PLEKHB1: variants seen among roughly 807,000 people sequenced by gnomAD.
PLEKHB1 encodes the protein pleckstrin homology domain-containing family B member 1.
In PLEKHB1, 29 loss-of-function variants were observed where a neutral mutation model predicts 36.2. The ratio of observed to expected loss-of-function variants is 0.80; its 90% CI spans 0.60 to 1.09. PLEKHB1 has a LOEUF of 1.09. Ranked by LOEUF, PLEKHB1 falls within the 50% of genes least tolerant of loss-of-function variation. The pLI is 0.00. For missense variants in PLEKHB1, 330 were observed against 348.2 expected, an observed-to-expected ratio of 0.95 and a Z score of 0.42; for synonymous variants, 138 against 140.0, an observed-to-expected ratio of 0.99 and a Z score of 0.10.
rs1301241893 is a variant in PLEKHB1, at chr11:73,653,031, C to T, written c.390+17C>T. On this transcript the variant is annotated intron_variant, in intron 5 of 7. Coordinates refer to ENST00000354190, the MANE Select transcript of PLEKHB1 (RefSeq NM_021200.3). Reference sequence around the variant, plus strand: ...TCCACCCCGGTGAGTCTCCCGTTCTCTCCCCCTTTCCCCACCACCTCCATG... The same window carrying T: ...TCCACCCCGGTGAGTCTCCCGTTCTTTCCCCCTTTCCCCACCACCTCCATG... The T allele has an allele frequency of 6.2e-7, 1 of 1,604,596 alleles. No individual in the cohort carries two copies. The highest frequency in any genetic ancestry group is 8.5e-7 in the Non-Finnish European group (1 of 1,173,566).
chr11:73,652,064 A>G, intron 4 of PLEKHB1, 174 bp downstream of exon 4: 3 of 614,790 alleles, frequency 4.9e-6, no homozygotes, highest in South Asian at 3.8e-5. Flanking sequence ...GGTGACTGGC[A>G]TGGCACACAG....
At chr11:73,656,924 G>A (rs1399475789) in intron 6 of PLEKHB1, among the ~76,000 whole-genome samples, 2 of 152,108 alleles carry the variant, frequency 1.3e-5, no homozygotes, top group Non-Finnish European at 2.9e-5. Flanking sequence ...AGGCTGAGGC[G>A]GGCAGGTTGC....
intron 3 of PLEKHB1, 146 bp downstream of exon 3, chr11:73,650,851 C>A: frequency 9.7e-7 from 1 of 1,030,930 alleles, no homozygotes; most frequent in Non-Finnish European, 1.4e-6. Context: ...AACTCCAATT[C>A]AGTTTGGTGT....
At position 73,661,653 on chromosome 11, in the gene PLEKHB1, T is replaced by G; in HGVS notation, c.*51T>G. On this transcript the variant is annotated 3_prime_UTR_variant, in exon 8 of 8. Coordinates refer to ENST00000354190, the MANE Select transcript of PLEKHB1 (RefSeq NM_021200.3). This position sits in a 1 kb window ranked among gnomAD's most constrained non-coding sequence, Gnocchi z 4.6. ...CTGCGCTTGGATTGCTAGACTCCTC[T>G]TCCTCCTGGACCCCATCCTCTACCA... is the stretch of plus-strand genomic sequence containing the variant. 2 of 1,524,752 alleles carry G rather than the reference T, an allele frequency of 1.3e-6. No individual in the cohort carries two copies. Among genetic ancestry groups the G allele is most frequent in the Non-Finnish European group, 1.8e-6 (2 of 1,141,214 alleles). 94.5% of individuals were successfully genotyped at this position (1,524,752 alleles called of 1,614,324 possible). A position where few individuals can be genotyped will look rare whatever the true frequency, so the allele number is the denominator to read the frequency against.
At chr11:73,647,841 A>C in intron 1 of PLEKHB1, 3 of 977,104 alleles carry the variant, frequency 3.1e-6, no homozygotes, top group Non-Finnish European at 3.6e-6. Context: ...CAAGAGGAAC[A>C]GACAAGGCTG....
Position 73,661,349 on chromosome 11 carries a change from C to A in PLEKHB1, c.596-117C>A. On this transcript the variant is annotated intron_variant, in intron 7 of 7. Transcript: ENST00000354190. The surrounding 1 kb of genome is among the most constrained non-coding windows in gnomAD (Gnocchi z 4.6). ...CTAGATCTGTTCTTTGACTGGGGAG[C>A]AGGAGAGTGGGTTCGGCGCCTTACA... is the stretch of plus-strand genomic sequence containing the variant. 2 of 1,140,088 alleles carry A rather than the reference C, an allele frequency of 1.8e-6. No individual in the cohort carries two copies. Among genetic ancestry groups the A allele is most frequent in the South Asian group, 1.4e-5 (1 of 70,382 alleles). 70.6% of individuals were successfully genotyped at this position (1,140,088 alleles called of 1,614,324 possible). A position where few individuals can be genotyped will look rare whatever the true frequency, so the allele number is the denominator to read the frequency against.
chr11:73,652,320 C>T (rs1944913624), intron 4 of PLEKHB1: 1 of 183,744 alleles, frequency 5.4e-6, no homozygotes, highest in Non-Finnish European at 1.1e-5. Context: ...GCGTCCCAGG[C>T]AGGGGCACCC....
At chr11:73,649,443 C>T (rs925801873) in intron 2 of PLEKHB1, among the ~76,000 whole-genome samples, 3 of 152,094 alleles carry the variant, frequency 2.0e-5, no homozygotes, top group African/African-American at 7.2e-5. Context: ...TGTGGGTATC[C>T]CCACTCCCTG....
At chr11:73,651,353 CAAAAA>C (rs35147175) in intron 3 of PLEKHB1, 69 of 359,798 alleles carry the variant, frequency 1.9e-4, no homozygotes, top group Non-Finnish European at 2.4e-4. Context: ...GACCCTGTCT[CAAAAA>C]AAAAAAAAAA....
chr11:73,650,373 T>C (rs1377059312), intron 2 of PLEKHB1, among the ~76,000 whole-genome samples, 180 bp from the exon 3 acceptor site: 3 of 152,086 alleles, frequency 2.0e-5, no homozygotes, highest in Non-Finnish European at 4.4e-5. Context: ...TCAGACCCAA[T>C]GGGAGGCAGG....
chr11:73,652,219 G>C (rs1315405749), intron 4 of PLEKHB1: 2 of 346,266 alleles, frequency 5.8e-6, no homozygotes, highest in Non-Finnish European at 1.1e-5. Context: ...GAGCAGCCTA[G>C]TGGCACCCTT....
In PLEKHB1 at chr11:73,652,967, C is replaced by A. The variant is rs780892744; in HGVS notation, c.351-8C>A. 6.2e-7 allele frequency: 1 copy of A among 1,607,064 alleles called. No individual in the cohort carries two copies. Among genetic ancestry groups the A allele is most frequent in the Non-Finnish European group, 8.5e-7 (1 of 1,175,360 alleles). On this transcript the variant is annotated splice_region_variant and splice_polypyrimidine_tract_variant and intron_variant, in intron 4 of 7. Coordinates refer to ENST00000354190, the MANE Select transcript of PLEKHB1 (RefSeq NM_021200.3). ...CCTCCTCATGGTCTGGTGGGATTTGCTTTGCAGAGCATGGAAGACAGCACT... is the reference window on the plus strand; with the variant it reads ...CCTCCTCATGGTCTGGTGGGATTTGATTTGCAGAGCATGGAAGACAGCACT...
Position 73,648,536 on chromosome 11 carries a change from C to T in PLEKHB1, c.19-476C>T, listed in dbSNP as rs148280297. 4.6e-5 allele frequency among the ~76,000 whole-genome samples: 7 copies of T among 152,304 alleles called. No individual in the cohort carries two copies. The East Asian group carries it at 1.3e-3, about 29-fold the overall frequency. On this transcript the variant is annotated intron_variant, in intron 1 of 7. Coordinates refer to ENST00000354190, the MANE Select transcript of PLEKHB1 (RefSeq NM_021200.3). ...AATAGGAGGGAGCTTTTCCCTCATCCATTGCCGTGATTCTAATATTCTGCA... is the reference window on the plus strand; with the variant it reads ...AATAGGAGGGAGCTTTTCCCTCATCTATTGCCGTGATTCTAATATTCTGCA...
intron 5 of PLEKHB1, chr11:73,653,400 A>T (rs1944936785): frequency 6.1e-6 from 3 of 493,744 alleles, no homozygotes; most frequent in South Asian, 4.6e-5. Flanking sequence ...TCATCCGCAC[A>T]ACAAATATTT....
chr11:73,647,961 G>T (rs544593086), intron 1 of PLEKHB1: 12 of 985,502 alleles, frequency 1.2e-5, no homozygotes, highest in Middle Eastern at 5.2e-4. Context: ...GGAACAGAGG[G>T]CACCTACCTG....
At chr11:73,657,895 A>AT (rs1389793408) in intron 6 of PLEKHB1, among the ~76,000 whole-genome samples, 2 of 152,190 alleles carry the variant, frequency 1.3e-5, no homozygotes, top group African/African-American at 4.8e-5. Context: ...AGCCTCTTGC[A>AT]TTGTCTTGGG....
chr11:73,658,535 C>T lies in PLEKHB1; in HGVS notation c.496-2218C>T, dbSNP rs189171817. On this transcript the variant is annotated intron_variant, in intron 6 of 7. Coordinates refer to ENST00000354190, the MANE Select transcript of PLEKHB1 (RefSeq NM_021200.3). ...AGAACACATTTAGAAGATAAAATCA[C>T]GAGACCTGGTGGCTGATGTGTGGAA... Among the ~76,000 whole-genome samples, 188 of 152,326 alleles carry T rather than the reference C, an allele frequency of 1.2e-3. 5 individuals carry two copies. The highest frequency in any genetic ancestry group is 0.012 in the Admixed American group (187 of 15,302).
intron 3 of PLEKHB1, 48 bp from the exon 4 acceptor site, chr11:73,651,740 C>T (rs1944899185): frequency 6.7e-7 from 1 of 1,484,696 alleles, no homozygotes. Flanking sequence ...ACTGGGGGGA[C>T]CTGGGGCTTG....
In PLEKHB1 at chr11:73,655,802, G is replaced by T. The variant is rs1381359682; in HGVS notation, c.391-1G>T. On this transcript the variant is annotated splice_acceptor_variant, in intron 5 of 7. Transcript: ENST00000354190. LOFTEE classifies it high-confidence loss of function. ...TTCTTGGGTTTCTGTGGCTTGAGCA[G>T]GCCCCAGCTGGAGCCACCGTCCCTC... is the stretch of plus-strand genomic sequence containing the variant. 1.9e-6 allele frequency: 3 copies of T among 1,613,144 alleles called. No individual in the cohort carries two copies. The highest frequency in any genetic ancestry group is 1.3e-5 in the African/African-American group (1 of 74,844).
Sources: allele counts gnomAD v4.1 joint callset (sites outside exome capture counted in the v4.1 genomes callset), GRCh38; gene constraint gnomAD v4.1.1; non-coding constraint Gnocchi (gnomAD v3.1); transcripts MANE v1.5; gene names NCBI Gene and HGNC (gene_info 2026-07-23, HGNC 2026-07-21).